SLC25A13: variants seen among roughly 807,000 people sequenced by gnomAD.
SLC25A13 encodes solute carrier family 25 member 13.
SLC25A13 carries 70 observed loss-of-function variants against 85.5 expected under a neutral mutation model. The observed-to-expected ratio is 0.82, with a 90% CI of 0.68 to 1.00. The LOEUF (loss-of-function observed/expected upper bound fraction) is 1.00. Ranked by LOEUF, SLC25A13 falls within the 50% of genes least tolerant of loss-of-function variation. SLC25A13 has a pLI of 0.00. For missense variants in SLC25A13, 765 were observed against 819.8 expected (o/e 0.93, Z 0.82); for synonymous variants, 259 against 288.7 (o/e 0.90, Z 1.04).
chr7:96,257,031 C>T (rs981340514), intron 3 of SLC25A13, among the ~76,000 whole-genome samples: 1 of 152,072 alleles, frequency 6.6e-6, no homozygotes, highest in Admixed American at 6.6e-5. Context: ...AACAAAGACA[C>T]AACGTACCAG....
chr7:96,121,572 G>C, intron 17 of SLC25A13, 83 bp downstream of exon 17: 1 of 1,448,244 alleles, frequency 6.9e-7, no homozygotes, highest in Non-Finnish European at 9.7e-7. Context: ...TTATTATAGA[G>C]ACTAGACTGA....
rs1468203534 is a variant in SLC25A13, at chr7:96,191,221, T to C, written c.642A>G (p.Gln214=). Residue 214 remains glutamine, a synonymous_variant, in exon 7 of 18, where the codon CAA becomes CAG. Transcript: ENST00000265631. ...VAAAGGTTSH[Q]VSFSYFNGFN... The stretch of plus-strand genomic sequence containing the variant: ...ATCCATTAAAATAGGAGAAACTAAC[T>C]TGATGGGATGTGGTACCTCCAGCAG... The C allele has an allele frequency of 2.5e-6, 4 of 1,613,872 alleles. No homozygotes were observed. The highest frequency in any genetic ancestry group is 3.4e-6 in the Non-Finnish European group (4 of 1,179,990).
At chr7:96,321,844 G>A in intron 1 of SLC25A13, 98 bp downstream of exon 1, 1 of 1,404,984 alleles carries the variant, frequency 7.1e-7, no homozygotes, top group Admixed American at 2.7e-5. Flanking sequence ...ATTTTGCTCC[G>A]CCTGTGGCAC....
At chr7:96,294,145 C>A (rs925868590) in intron 2 of SLC25A13, among the ~76,000 whole-genome samples, 1 of 152,114 alleles carries the variant, frequency 6.6e-6, no homozygotes, top group Non-Finnish European at 1.5e-5. Flanking sequence ...ATGGATGAAG[C>A]TGGAAACCAT....
chr7:96,229,024 C>A (rs1317568444), intron 4 of SLC25A13, among the ~76,000 whole-genome samples: 2 of 152,152 alleles, frequency 1.3e-5, no homozygotes, highest in East Asian at 1.9e-4. Context: ...GCCTGAGCCT[C>A]CCCAACGGGT....
Position 96,292,128 on chromosome 7 carries a change from C to T in SLC25A13, c.69+4770G>A, listed in dbSNP as rs190240118. Among the ~76,000 whole-genome samples the T allele has an allele frequency of 1.2e-3, 183 of 152,216 alleles. 2 individuals are homozygous for T. Among genetic ancestry groups the T allele is most frequent in the South Asian group, 4.8e-3 (23 of 4,822 alleles). On this transcript the variant is annotated intron_variant, in intron 2 of 17. Coordinates refer to ENST00000265631, the MANE Select transcript of SLC25A13 (RefSeq NM_014251.3). ...TGGGGTGCAAGGCTGGTTCAACATACGCAAATCAATAAAAGTAATCCAGCA... is the reference window on the plus strand; with the variant it reads ...TGGGGTGCAAGGCTGGTTCAACATATGCAAATCAATAAAAGTAATCCAGCA...
intron 4 of SLC25A13, among the ~76,000 whole-genome samples, chr7:96,220,558 A>T (rs911200678): frequency 6.6e-6 from 1 of 152,198 alleles, no homozygotes; most frequent in Admixed American, 6.5e-5. Context: ...AAATTTTCCA[A>T]TTTAGAAAAA....
intron 3 of SLC25A13, among the ~76,000 whole-genome samples, chr7:96,239,354 C>A (rs1242797708): frequency 6.7e-6 from 1 of 149,124 alleles, no homozygotes; most frequent in East Asian, 1.9e-4. Context: ...AGCATGATAC[C>A]TAAAAATGTT....
At chr7:96,251,626 C>T (rs143936913) in intron 3 of SLC25A13, among the ~76,000 whole-genome samples, 13 of 152,190 alleles carry the variant, frequency 8.5e-5, no homozygotes, top group Non-Finnish European at 1.2e-4. Context: ...AACTGGCCAA[C>T]TGGAAGCCAC....
At chr7:96,281,056 G>A (rs201556793) in intron 2 of SLC25A13, among the ~76,000 whole-genome samples, 6 of 152,140 alleles carry the variant, frequency 3.9e-5, no homozygotes, top group African/African-American at 1.4e-4. Flanking sequence ...TTAATGGCTT[G>A]TGGTGAATTC....
chr7:96,248,472 A>G (rs540841449), intron 3 of SLC25A13, among the ~76,000 whole-genome samples: 9 of 152,274 alleles, frequency 5.9e-5, no homozygotes, highest in East Asian at 1.9e-4. Flanking sequence ...GATTCCAGAT[A>G]CTACTACGAT....
chr7:96,180,831 T>A (rs985524627), intron 11 of SLC25A13, among the ~76,000 whole-genome samples: 6 of 152,216 alleles, frequency 3.9e-5, no homozygotes, highest in Non-Finnish European at 5.9e-5. Context: ...ATACGCCAGA[T>A]CTATAGCAGG....
intron 3 of SLC25A13, among the ~76,000 whole-genome samples, chr7:96,262,086 T>C (rs1044283269): frequency 1.3e-5 from 2 of 152,220 alleles, no homozygotes; most frequent in African/African-American, 4.8e-5. Context: ...TTTTGCTTCA[T>C]GAATTCCTCA....
intron 11 of SLC25A13, among the ~76,000 whole-genome samples, chr7:96,181,536 C>T (rs1311572552): frequency 1.3e-5 from 2 of 152,106 alleles, no homozygotes; most frequent in East Asian, 3.9e-4. Context: ...ATTTATTAAC[C>T]TCATAATAAG....
chr7:96,123,187 A>G (rs1791586763), intron 15 of SLC25A13, among the ~76,000 whole-genome samples: 1 of 152,188 alleles, frequency 6.6e-6, no homozygotes, highest in East Asian at 1.9e-4. Flanking sequence ...CTCACTTTAT[A>G]TCCAGTGCTT....
chr7:96,270,563 A>T, intron 3 of SLC25A13, among the ~76,000 whole-genome samples: 1 of 152,076 alleles, frequency 6.6e-6, no homozygotes, highest in Non-Finnish European at 1.5e-5. Flanking sequence ...TCCAAAAAAA[A>T]AAAAAAGAGA....
At chr7:96,277,164 G>C (rs751817945) in intron 3 of SLC25A13, 32 bp downstream of exon 3, 1 of 1,527,816 alleles carries the variant, frequency 6.5e-7, no homozygotes, top group East Asian at 2.5e-5. Context: ...CAAACAAAAA[G>C]AATTAAATAA....
intron 1 of SLC25A13, among the ~76,000 whole-genome samples, chr7:96,317,804 T>C (rs867954955): frequency 2.5e-4 from 24 of 94,326 alleles, no homozygotes; most frequent in Middle Eastern, 5.4e-3. Context: ...TATTTTACTT[T>C]ATTTTATTTT....
rs761219835 is a variant in SLC25A13, at chr7:96,121,300, TAGCCCCCAACGTGATC to T, written c.1903_1918del (p.Asp635ThrfsTer60). ...TGCAAATGTAGCAACTGCCAGTTTG[TAGCCCCCAACGTGATC>T]AGGATTCGGGGCAGGCAGGTTGATC... On this transcript the variant is annotated frameshift_variant, in exon 18 of 18. Transcript: ENST00000265631. LOFTEE classifies it high-confidence loss of function. The T allele has an allele frequency of 6.2e-7, 1 of 1,614,196 alleles. No homozygotes were observed. Among genetic ancestry groups the T allele is most frequent in the Non-Finnish European group, 8.5e-7 (1 of 1,180,026 alleles).
Sources: gnomAD v4.1 joint callset for allele counts (sites outside exome capture counted in the v4.1 genomes callset) on GRCh38, gnomAD v4.1.1 for gene constraint, MANE v1.5 for transcripts, NCBI Gene and HGNC (gene_info 2026-07-23, HGNC 2026-07-21) for gene names.